The following SLC16A9 variants were observed in gnomAD, a reference collection of about 807,000 sequenced individuals.
The protein encoded by SLC16A9 is monocarboxylate transporter 9.
In SLC16A9, 26 loss-of-function variants were observed where a neutral mutation model predicts 44.3. The observed-to-expected ratio is 0.59, with a 90% CI of 0.43 to 0.81. The LOEUF is 0.81. Among genes scored for constraint, SLC16A9 ranks in the 40% least tolerant of loss-of-function variants. The pLI, the probability that SLC16A9 is intolerant of heterozygous loss-of-function variation, is 0.00. For synonymous variants in SLC16A9, 230 were observed against 225.1 expected (o/e 1.02, Z -0.19); for missense variants, 559 against 595.8 (o/e 0.94, Z 0.64).
At chr10:59,701,721 C>A (rs1164235555) in intron 1 of SLC16A9, among the ~76,000 whole-genome samples, 3 of 152,052 alleles carry the variant, frequency 2.0e-5, no homozygotes, top group Non-Finnish European at 2.9e-5. Flanking sequence ...CAAATCTGTG[C>A]CCCCCAACCC....
rs536864660 is a variant in SLC16A9 at position 59,674,114 on chromosome 10, G to A, written c.197-1201C>T. 2.6e-5 allele frequency among the ~76,000 whole-genome samples: 4 copies of A among 152,236 alleles called. No homozygotes were observed. The South Asian group carries it at 6.2e-4, about 24-fold the overall frequency. ...GCATGAATGTAATGATTATATGAGT[G>A]TATTCAGTTCATGAGCATTCATCAA... On this transcript the variant is annotated intron_variant, in intron 2 of 5. Transcript: ENST00000395348.
chr10:59,650,886 G>T lies in SLC16A9; in HGVS notation c.*1886C>A, dbSNP rs899083023. On this transcript the variant is annotated 3_prime_UTR_variant, in exon 6 of 6. Transcript: ENST00000395348. ...ATGCCTTTGGACAATTATCAGCATT[G>T]ATGAATATGAAGATGTCACATCAAA... is the stretch of plus-strand genomic sequence containing the variant. The T allele has an allele frequency of 6.6e-6, 1 of 152,088 alleles. No individual in the cohort carries two copies. Among genetic ancestry groups the T allele is most frequent in the Non-Finnish European group, 1.5e-5 (1 of 68,030 alleles). The allele number at this position is 152,088 out of a possible 1,614,324, so 9.4% of individuals were successfully genotyped here. A position where few individuals can be genotyped will look rare whatever the true frequency, so the allele number is the denominator to read the frequency against.
At chr10:59,676,234 T>C (rs1331973901) in intron 2 of SLC16A9, among the ~76,000 whole-genome samples, 2 of 152,238 alleles carry the variant, frequency 1.3e-5, no homozygotes. Context: ...TTATAGATTC[T>C]ATTCACATAG....
At chr10:59,693,610 ATTATTTAT>A (rs144381389) in intron 1 of SLC16A9, among the ~76,000 whole-genome samples, 41,807 of 151,002 alleles carry the variant, frequency 0.28, 6,446 homozygotes, top group East Asian at 0.61. Context: ...AATTTTATGT[ATTATTTAT>A]TTATTTATTT....
chr10:59,664,832 C>A (rs1053507985), intron 3 of SLC16A9, among the ~76,000 whole-genome samples: 1 of 152,162 alleles, frequency 6.6e-6, no homozygotes, highest in East Asian at 1.9e-4. Flanking sequence ...GTTCTCATAT[C>A]ATCTCACACA....
intron 3 of SLC16A9, among the ~76,000 whole-genome samples, chr10:59,668,427 CTT>C (rs1839672009): frequency 1.3e-5 from 2 of 152,192 alleles, no homozygotes; most frequent in African/African-American, 2.4e-5. Context: ...TTTTTCAAGA[CTT>C]AGCGCAAGCA....
chr10:59,666,528 G>A (rs1302160971), intron 3 of SLC16A9, among the ~76,000 whole-genome samples: 1 of 152,068 alleles, frequency 6.6e-6, no homozygotes, highest in Non-Finnish European at 1.5e-5. Flanking sequence ...GAGATGCTGA[G>A]TAAAACTGCA....
chr10:59,665,748 A>G (rs954466217), intron 3 of SLC16A9, among the ~76,000 whole-genome samples: 1 of 152,238 alleles, frequency 6.6e-6, no homozygotes, highest in African/African-American at 2.4e-5. Context: ...TAAATAATGC[A>G]AAGTTACATG....
intron 1 of SLC16A9, among the ~76,000 whole-genome samples, chr10:59,686,090 C>T (rs1004497589): frequency 2.6e-5 from 4 of 151,650 alleles, no homozygotes; most frequent in South Asian, 2.1e-4. Context: ...TGTCGTGTAC[C>T]GTTTTGGAGA....
chr10:59,673,386 C>G (rs1026185063), intron 2 of SLC16A9, among the ~76,000 whole-genome samples: 3 of 152,138 alleles, frequency 2.0e-5, no homozygotes, highest in African/African-American at 4.8e-5. Context: ...GGCAACAGCT[C>G]ATGTAACAGA....
At position 59,662,883 on chromosome 10, in the gene SLC16A9, G is replaced by A. The variant is rs539126094; in HGVS notation, c.436+1344C>T. Among the ~76,000 whole-genome samples, 5 of 152,184 alleles carry A rather than the reference G, an allele frequency of 3.3e-5. No homozygotes were observed. The East Asian group carries it at 7.7e-4, about 24-fold the overall frequency. On this transcript the variant is annotated intron_variant, in intron 4 of 5. Coordinates refer to ENST00000395348, the MANE Select transcript of SLC16A9 (RefSeq NM_194298.3). ...TGGAAGACAGTGTGGCAATTCTCAA[G>A]GATCTAGAACTAGAAATACCATTTG...
chr10:59,696,441 T>C (rs1282541173), intron 1 of SLC16A9, among the ~76,000 whole-genome samples: 1 of 152,168 alleles, frequency 6.6e-6, no homozygotes, highest in Non-Finnish European at 1.5e-5. Flanking sequence ...AGTGGCGTGA[T>C]CTCTGCTCGC....
At chr10:59,696,078 C>T (rs372466919) in intron 1 of SLC16A9, among the ~76,000 whole-genome samples, 1 of 151,882 alleles carries the variant, frequency 6.6e-6, no homozygotes, top group African/African-American at 2.4e-5. Flanking sequence ...TCTCCCCTCT[C>T]CCCTCTCCCC....
chr10:59,660,589 C>T (rs187173377), intron 4 of SLC16A9, among the ~76,000 whole-genome samples: 12 of 152,208 alleles, frequency 7.9e-5, no homozygotes, highest in South Asian at 4.1e-4. Flanking sequence ...GAGGAGCTGG[C>T]AGCATTCCTT....
rs1045453057 is a variant in SLC16A9 at position 59,652,595 on chromosome 10, C to T, written c.*177G>A. The T allele has an allele frequency of 2.2e-5, 12 of 549,202 alleles. No individual in the cohort carries two copies. The highest frequency in any genetic ancestry group is 7.2e-5 in the Admixed American group (2 of 27,588). The allele number at this position is 549,202 out of a possible 1,614,324, so 34.0% of individuals were successfully genotyped here. ...AGAAAAAAATACGAGATAGAGGCTA[C>T]GCATACACTACATAAAAAATAGGAT... is the stretch of plus-strand genomic sequence containing the variant. On this transcript the variant is annotated 3_prime_UTR_variant, in exon 6 of 6. Coordinates refer to ENST00000395348, the MANE Select transcript of SLC16A9 (RefSeq NM_194298.3).
intron 3 of SLC16A9, among the ~76,000 whole-genome samples, chr10:59,664,546 AAG>A (rs1839565136): frequency 6.6e-6 from 1 of 152,194 alleles, no homozygotes; most frequent in Non-Finnish European, 1.5e-5. Flanking sequence ...TCAAGTAAAA[AAG>A]TATCCAATTT....
In SLC16A9 at chr10:59,653,425, C is replaced by CAA. The variant is rs562805430; in HGVS notation, c.1351+248_1351+249dup. Among the ~76,000 whole-genome samples the CAA allele has an allele frequency of 8.2e-5, 3 of 36,774 alleles. 1 individual carries two copies. Among genetic ancestry groups the CAA allele is most frequent in the Admixed American group, 1.1e-3 (2 of 1,760 alleles). The allele number at this position is 36,774 out of a possible 152,430, so 24.1% of individuals were successfully genotyped here. A position where few individuals can be genotyped will look rare whatever the true frequency, so the allele number is the denominator to read the frequency against. On this transcript the variant is annotated intron_variant, in intron 5 of 5. Transcript: ENST00000395348. ...TGGGCGACAGTGCAAAACTCCGTCT[C>CAA]AAAAAAAAAAAAAAAAAAAAGCAGG... is the stretch of plus-strand genomic sequence containing the variant.
intron 4 of SLC16A9, among the ~76,000 whole-genome samples, chr10:59,655,854 G>A: frequency 6.6e-6 from 1 of 152,142 alleles, no homozygotes; most frequent in Non-Finnish European, 1.5e-5. Context: ...ATGCCAATAG[G>A]ACCAAGCTCA....
intron 1 of SLC16A9, among the ~76,000 whole-genome samples, chr10:59,697,859 G>C (rs2132536121): frequency 6.6e-6 from 1 of 151,264 alleles, no homozygotes; most frequent in Non-Finnish European, 1.5e-5. Context: ...ACTTAGCATG[G>C]GATTTTAAGC....
Sources: allele counts gnomAD v4.1 joint callset (sites outside exome capture counted in the v4.1 genomes callset), GRCh38; gene constraint gnomAD v4.1.1; transcripts MANE v1.5; gene names NCBI Gene and HGNC (gene_info 2026-07-23, HGNC 2026-07-21).